Variants in HAVCR1 observed in about 807,000 individuals in gnomAD.
The protein encoded by HAVCR1 is hepatitis A virus cellular receptor 1.
Under a neutral mutation model 32.0 loss-of-function variants are expected in HAVCR1, and 34 were observed. The observed-to-expected ratio is 1.06, with a 90% CI of 0.81 to 1.42. The LOEUF (loss-of-function observed/expected upper bound fraction) is 1.42. Among genes scored for constraint, HAVCR1 ranks in the 40% most tolerant of loss-of-function variants. HAVCR1 has a pLI of 0.00. For synonymous variants in HAVCR1, 178 were observed against 170.3 expected, an observed-to-expected ratio of 1.05 and a Z score of -0.35; for missense variants, 420 against 442.3, an observed-to-expected ratio of 0.95 and a Z score of 0.45.
At chr5:157,061,289 A>G (rs1756484685), upstream of HAVCR1, among the ~76,000 whole-genome samples, 1 of 152,166 alleles carries the variant, frequency 6.6e-6, no homozygotes, top group Non-Finnish European at 1.5e-5. Context: ...GCACCACTGC[A>G]CTCAAGCCTT....
intron 8 of HAVCR1, among the ~76,000 whole-genome samples, chr5:157,032,499 C>T (rs1458008436): frequency 6.6e-6 from 1 of 152,160 alleles, no homozygotes; most frequent in African/African-American, 2.4e-5. Context: ...GCCAGGGCAG[C>T]AAGAGTGAAA....
At position 157,044,621 on chromosome 5, in the gene HAVCR1, GAAAGAAAGAAAGAA is replaced by G. The variant is rs1561591214; in HGVS notation, c.782-1953_782-1940del. On this transcript the variant is annotated intron_variant, in intron 5 of 8. Coordinates refer to ENST00000523175, the MANE Select transcript of HAVCR1 (RefSeq NM_001173393.3). ...AAAGAAAGAAAGAAAGAAAGAGAAA[GAAAGAAAGAAAGAA>G]AGAAAGAAAGAAAGAAAGAAAGAAA... is the stretch of plus-strand genomic sequence containing the variant. Among the ~76,000 whole-genome samples the G allele has an allele frequency of 2.6e-3, 109 of 42,688 alleles. 1 individual carries two copies. The highest frequency in any genetic ancestry group is 0.015 in the East Asian group (17 of 1,130). The allele number at this position is 42,688 out of a possible 152,430, so 28.0% of individuals were successfully genotyped here. A position where few individuals can be genotyped will look rare whatever the true frequency, so the allele number is the denominator to read the frequency against.
Position 157,055,272 on chromosome 5 carries a change from T to C in HAVCR1, c.308A>G (p.Tyr103Cys). ...CCCACGGTGCTCAACACGGCAACAA[T>C]ATACGCCACTGTCAGACACAGCTGT... ...ENTAVSDSGV[Y>C]CCRVEHRGWF... Residue 103 changes from tyrosine (Y) to cysteine (C), a missense_variant, in exon 3 of 9, where the codon TAT becomes TGT. Coordinates refer to ENST00000523175, the MANE Select transcript of HAVCR1 (RefSeq NM_001173393.3). The C allele has an allele frequency of 6.2e-7, 1 of 1,613,294 alleles. No homozygotes were observed.
the HAVCR1 span, among the ~76,000 whole-genome samples, chr5:157,067,395 T>A: frequency 6.6e-6 from 1 of 152,182 alleles, no homozygotes; most frequent in East Asian, 1.9e-4. Flanking sequence ...AAATTGCTTA[T>A]ACTCACTAAT....
chr5:157,063,348 C>T (rs1320963821), upstream of HAVCR1, among the ~76,000 whole-genome samples: 2 of 145,328 alleles, frequency 1.4e-5, no homozygotes, highest in African/African-American at 2.5e-5. Context: ...GGCAATGGCA[C>T]GATCTCAGCT....
chr5:157,041,437 G>A (rs1754886802), intron 6 of HAVCR1, among the ~76,000 whole-genome samples: 1 of 151,936 alleles, frequency 6.6e-6, no homozygotes, highest in African/African-American at 2.4e-5. Flanking sequence ...AGAGGAGGTT[G>A]CAGTGAGCTG....
chr5:157,063,162 T>C (rs1362403623), upstream of HAVCR1, among the ~76,000 whole-genome samples: 2 of 142,890 alleles, frequency 1.4e-5, no homozygotes, highest in Non-Finnish European at 3.1e-5. Context: ...AGAAAATATA[T>C]AAAAATACCA....
intron 5 of HAVCR1, among the ~76,000 whole-genome samples, chr5:157,047,193 T>A (rs1430804290): frequency 6.6e-6 from 1 of 152,146 alleles, no homozygotes; most frequent in Non-Finnish European, 1.5e-5. Context: ...CATAAGACAC[T>A]TCCCAGAGAG....
intron 8 of HAVCR1, among the ~76,000 whole-genome samples, chr5:157,031,259 C>A (rs2113467901): frequency 6.6e-6 from 1 of 152,240 alleles, no homozygotes; most frequent in South Asian, 2.1e-4. Flanking sequence ...GTATGCTGGG[C>A]ACTGTTCAGA....
intron 5 of HAVCR1, among the ~76,000 whole-genome samples, chr5:157,044,676 A>AGAAAGAAAGAAAGAAAGAAAGAAAGGAG (rs142603344): frequency 3.7e-5 from 4 of 109,454 alleles, no homozygotes; most frequent in African/African-American, 6.3e-5. Context: ...AAAGAAAGAA[A>AGAAAGAAAGAAAGAAAGAAAGAAAGGAG]GGAGGGAGGG....
At chr5:157,048,964 G>C in intron 5 of HAVCR1, 74 bp downstream of exon 5, 1 of 846,442 alleles carries the variant, frequency 1.2e-6, no homozygotes, top group Non-Finnish European at 2.1e-6. Flanking sequence ...ATTCCAGAGC[G>C]TGTGCTCTCA....
Position 157,052,415 on chromosome 5 carries a change from T to G in HAVCR1, c.619A>C (p.Thr207Pro). 1 of 1,610,910 alleles carries G rather than the reference T, an allele frequency of 6.2e-7. No individual in the cohort carries two copies. The highest frequency in any genetic ancestry group is 8.5e-7 in the Non-Finnish European group (1 of 1,179,260). ...PTTTSVPVTT[T>P]VSTFVPPMPL... Reference sequence around the variant, plus strand: ...ATTGGAGGAACAAAGGTAGAGACAGTTGTTGTCACTGGAACACTTGTTGTT... The same window carrying G: ...ATTGGAGGAACAAAGGTAGAGACAGGTGTTGTCACTGGAACACTTGTTGTT... The change falls in exon 4 of 9, where the codon ACT (threonine) becomes CCT (proline). Residue 207 changes from threonine to proline, a missense_variant. Coordinates refer to ENST00000523175, the MANE Select transcript of HAVCR1 (RefSeq NM_001173393.3).
At chr5:157,033,741 C>T (rs1754319256) in intron 7 of HAVCR1, among the ~76,000 whole-genome samples, 4 of 152,180 alleles carry the variant, frequency 2.6e-5, no homozygotes, top group South Asian at 2.1e-4. Context: ...AAATTGTCTA[C>T]ATCCATCACT....
Position 157,042,614 on chromosome 5 carries a change from G to A in HAVCR1, c.837+13C>T, listed in dbSNP as rs780028208. The A allele has an allele frequency of 2.2e-5, 34 of 1,537,920 alleles. No individual in the cohort carries two copies. Among genetic ancestry groups the A allele is most frequent in the Admixed American group, 5.1e-5 (3 of 58,988 alleles). On this transcript the variant is annotated intron_variant, in intron 6 of 8. Transcript: ENST00000523175. ...GTGAATCTGGCTAATCAAATAGGGCGGAATATGCTTACAGTTTGATTGTTA... is the reference window on the plus strand; with the variant it reads ...GTGAATCTGGCTAATCAAATAGGGCAGAATATGCTTACAGTTTGATTGTTA...
At chr5:157,044,425 A>AGG (rs1190584462) in intron 5 of HAVCR1, among the ~76,000 whole-genome samples, 977 of 18,534 alleles carry the variant, frequency 0.053, 32 homozygotes, top group Middle Eastern at 0.14. Context: ...AGGAAGGAGA[A>AGG]AGAAAGAAAG....
chr5:157,068,654 C>CTT, the HAVCR1 span, among the ~76,000 whole-genome samples: 8 of 84,838 alleles, frequency 9.4e-5, no homozygotes, highest in Admixed American at 5.8e-4. Context: ...TTTTTTTTTA[C>CTT]ATTTTTTTTT....
intron 8 of HAVCR1, 143 bp from the exon 9 acceptor site, chr5:157,029,984 A>G (rs1479337239): frequency 6.4e-6 from 4 of 628,578 alleles, no homozygotes; most frequent in Non-Finnish European, 1.1e-5. Context: ...GTATAAAATA[A>G]ATAGTGCCTT....
chr5:157,062,919 A>C (rs1269760548), upstream of HAVCR1, among the ~76,000 whole-genome samples: 4 of 152,060 alleles, frequency 2.6e-5, no homozygotes, highest in East Asian at 5.8e-4. Context: ...TAGGAGTTCA[A>C]GACCAGCCTG....
At chr5:157,053,608 G>A (rs894729271) in intron 3 of HAVCR1, among the ~76,000 whole-genome samples, 1 of 152,146 alleles carries the variant, frequency 6.6e-6, no homozygotes, top group Admixed American at 6.5e-5. Flanking sequence ...GGCAGCTCAC[G>A]CCTGTAATCC....
Sources: gnomAD v4.1 joint callset for allele counts (sites outside exome capture counted in the v4.1 genomes callset) on GRCh38, gnomAD v4.1.1 for gene constraint, MANE v1.5 for transcripts, NCBI Gene and HGNC (gene_info 2026-07-23, HGNC 2026-07-21) for gene names.